The following RANBP17 variants were observed in gnomAD, a reference collection of about 807,000 sequenced individuals.
RANBP17 encodes the protein ran-binding protein 17.
In RANBP17, 158 loss-of-function variants were observed where a neutral mutation model predicts 141.2. The ratio of observed to expected loss-of-function variants is 1.12; its 90% CI spans 0.98 to 1.28. RANBP17 has a LOEUF of 1.28. RANBP17 is among the 50% of genes most tolerant of loss of function. The pLI, the probability that RANBP17 is intolerant of heterozygous loss-of-function variation, is 0.00. For synonymous variants in RANBP17, 430 were observed against 450.0 expected, an observed-to-expected ratio of 0.96 and a Z score of 0.56; for missense variants, 1,438 against 1,290.7, an observed-to-expected ratio of 1.11 and a Z score of -1.75.
At chr5:171,205,991 T>C in intron 20 of RANBP17, 1 of 363,104 alleles carries the variant, frequency 2.8e-6, no homozygotes, top group Non-Finnish European at 5.4e-6. Context: ...GGGAAGATCA[T>C]TTTATCTCTT....
chr5:171,179,717 G>T (rs1316007702), intron 16 of RANBP17, among the ~76,000 whole-genome samples: 4 of 151,866 alleles, frequency 2.6e-5, no homozygotes, highest in Non-Finnish European at 5.9e-5. Context: ...ATAATTGATG[G>T]TATTTTTAAG....
At position 171,261,090 on chromosome 5, in the gene RANBP17, C is replaced by A. The variant is rs11134680; in HGVS notation, c.2777-4591C>A. 9.9e-3 allele frequency among the ~76,000 whole-genome samples: 680 copies of A among 68,460 alleles called. 29 individuals are homozygous for A. The highest frequency in any genetic ancestry group is 0.076 in the South Asian group (109 of 1,442). The allele number at this position is 68,460 out of a possible 152,430, so 44.9% of individuals were successfully genotyped here. ...CATTAGCTTCACCCCCCACCCCCCC[C>A]AAAAAAAAAAACCAAAAGAAAAAAA... is the stretch of plus-strand genomic sequence containing the variant. On this transcript the variant is annotated intron_variant, in intron 24 of 27. Coordinates refer to ENST00000523189, the MANE Select transcript of RANBP17 (RefSeq NM_022897.5).
At chr5:171,123,937 A>G (rs1022405251) in intron 14 of RANBP17, among the ~76,000 whole-genome samples, 10 of 152,254 alleles carry the variant, frequency 6.6e-5, no homozygotes, top group Admixed American at 2.0e-4. Context: ...CAAGATGCAG[A>G]GATATCAACA....
At chr5:170,913,182 C>T (rs1230927837) in intron 7 of RANBP17, among the ~76,000 whole-genome samples, 1 of 151,914 alleles carries the variant, frequency 6.6e-6, no homozygotes, top group African/African-American at 2.4e-5. Context: ...TGTACTTGCT[C>T]TAAGGAAGCT....
At chr5:170,902,526 C>T (rs759390920) in intron 5 of RANBP17, among the ~76,000 whole-genome samples, 14 of 152,174 alleles carry the variant, frequency 9.2e-5, no homozygotes, top group South Asian at 4.1e-4. Context: ...TCTGTCAGTT[C>T]GTCAAACTCA....
chr5:171,008,693 A>T (rs1779826738), intron 14 of RANBP17, among the ~76,000 whole-genome samples: 1 of 152,210 alleles, frequency 6.6e-6, no homozygotes, highest in Non-Finnish European at 1.5e-5. Context: ...TTCATCAGTT[A>T]CGGTGGGGCA....
intron 14 of RANBP17, among the ~76,000 whole-genome samples, chr5:171,086,022 G>C (rs1785619404): frequency 1.8e-5 from 1 of 56,708 alleles, no homozygotes; most frequent in Non-Finnish European, 3.4e-5. Context: ...TGGTGAGAGA[G>C]GGCATCCCTG....
chr5:170,911,708 G>A (rs1172058270), intron 7 of RANBP17, among the ~76,000 whole-genome samples: 5 of 151,878 alleles, frequency 3.3e-5, no homozygotes, highest in Non-Finnish European at 7.4e-5. Context: ...TGAAGAGTTG[G>A]CAAGAGATGT....
chr5:171,125,830 G>T lies in RANBP17; in HGVS notation c.1711-44300G>T, dbSNP rs1009591552. On this transcript the variant is annotated intron_variant, in intron 14 of 27. Transcript: ENST00000523189. ...TTTTGAGACGGAGTCTTGCTCTGTCGCCCAGGCTAGAGTGCAATGGCACAA... is the reference window on the plus strand; with the variant it reads ...TTTTGAGACGGAGTCTTGCTCTGTCTCCCAGGCTAGAGTGCAATGGCACAA... Among the ~76,000 whole-genome samples the T allele has an allele frequency of 2.7e-5, 4 of 149,678 alleles. No individual in the cohort carries two copies. The Admixed American group carries it at 2.7e-4, about 10-fold the overall frequency.
chr5:171,150,754 CA>C (rs1758415452), intron 14 of RANBP17, among the ~76,000 whole-genome samples: 1 of 152,114 alleles, frequency 6.6e-6, no homozygotes, highest in Admixed American at 6.5e-5. Flanking sequence ...CTGTCATACC[CA>C]AGAGATGATT....
intron 3 of RANBP17, among the ~76,000 whole-genome samples, chr5:170,888,789 A>G (rs1399178728): frequency 6.6e-6 from 1 of 152,094 alleles, no homozygotes; most frequent in Admixed American, 6.5e-5. Context: ...TTAGTGAGAA[A>G]GCTTCAAGTT....
chr5:171,201,637 T>C (rs1762302522), intron 19 of RANBP17, among the ~76,000 whole-genome samples: 1 of 152,262 alleles, frequency 6.6e-6, no homozygotes, highest in African/African-American at 2.4e-5. Flanking sequence ...TGATTAAATA[T>C]GCAGCTTGGC....
chr5:171,244,385 A>G (rs549261691), intron 24 of RANBP17, among the ~76,000 whole-genome samples: 2 of 152,264 alleles, frequency 1.3e-5, no homozygotes, highest in South Asian at 4.1e-4. Flanking sequence ...TCAAAAACAA[A>G]AAAAGGAACT....
rs553496393 is a variant in RANBP17, at chr5:171,284,189, T to G, written c.2944-9694T>G. On this transcript the variant is annotated intron_variant, in intron 25 of 27. Transcript: ENST00000523189. ...ATATGCACGCTGCTTAGGGTTCCAT[T>G]CATTGCCATAGCCACCTAAACAGCA... is the stretch of plus-strand genomic sequence containing the variant. Among the ~76,000 whole-genome samples, 131 of 152,330 alleles carry G rather than the reference T, an allele frequency of 8.6e-4. 2 individuals are homozygous for G. The highest frequency in any genetic ancestry group is 3.0e-3 in the African/African-American group (125 of 41,576).
At chr5:171,120,533 AT>A (rs1217675318) in intron 14 of RANBP17, among the ~76,000 whole-genome samples, 3 of 152,130 alleles carry the variant, frequency 2.0e-5, no homozygotes, top group Non-Finnish European at 4.4e-5. Context: ...CATTTCACTC[AT>A]TGACTTCTTT....
At position 171,237,051 on chromosome 5, in the gene RANBP17, G is replaced by A. The variant is rs573453325; in HGVS notation, c.2423-3877G>A. On this transcript the variant is annotated intron_variant, in intron 22 of 27. Transcript: ENST00000523189. Reference sequence around the variant, plus strand: ...AGTCAGTCACTCAGCAAAAAGGATGGGTCTCAGGAGAAAAAATAATTTTAA... The same window carrying A: ...AGTCAGTCACTCAGCAAAAAGGATGAGTCTCAGGAGAAAAAATAATTTTAA... 3.3e-4 allele frequency among the ~76,000 whole-genome samples: 50 copies of A among 152,224 alleles called. 1 individual carries two copies. In the South Asian group the frequency reaches 9.1e-3, roughly 28 times the overall value.
intron 14 of RANBP17, among the ~76,000 whole-genome samples, chr5:170,980,731 C>T (rs182544057): frequency 8.1e-4 from 123 of 152,288 alleles, no homozygotes; most frequent in Middle Eastern, 3.4e-3. Context: ...GCTACAGGAG[C>T]GGGGCCCTCA....
chr5:171,295,775 T>A, intron 26 of RANBP17, 112 bp from the exon 27 acceptor site: 1 of 1,198,738 alleles, frequency 8.3e-7, no homozygotes, highest in Non-Finnish European at 1.2e-6. Flanking sequence ...CAAAAACTCC[T>A]CTGAGCATTA....
intron 19 of RANBP17, among the ~76,000 whole-genome samples, chr5:171,200,516 G>A (rs924719186): frequency 6.6e-6 from 1 of 152,108 alleles, no homozygotes; most frequent in Non-Finnish European, 1.5e-5. Flanking sequence ...AAATTATAAT[G>A]TATCAGGGAA....
Sources: gnomAD v4.1 joint callset for allele counts (sites outside exome capture counted in the v4.1 genomes callset) on GRCh38, gnomAD v4.1.1 for gene constraint, MANE v1.5 for transcripts, NCBI Gene and HGNC (gene_info 2026-07-23, HGNC 2026-07-21) for gene names.